The following L3MBTL4 variants were observed in gnomAD, a reference collection of about 807,000 sequenced individuals.
L3MBTL4 encodes the protein L3MBTL histone methyl-lysine binding protein 4, also known as lethal(3)malignant brain tumor-like protein 4.
L3MBTL4 carries 70 observed loss-of-function variants against 84.5 expected under a neutral mutation model. The observed-to-expected ratio is 0.83, with a 90% CI of 0.68 to 1.01. L3MBTL4 has a LOEUF of 1.01. L3MBTL4 is among the 50% of genes least tolerant of loss of function. The pLI, the probability that L3MBTL4 is intolerant of heterozygous loss-of-function variation, is 0.00. For missense variants in L3MBTL4, 715 were observed against 754.8 expected (o/e 0.95, Z 0.62); for synonymous variants, 274 against 259.8 (o/e 1.05, Z -0.52).
chr18:6,400,089 A>T (rs1330435555), intron 1 of L3MBTL4, among the ~76,000 whole-genome samples: 1 of 152,240 alleles, frequency 6.6e-6, no homozygotes, highest in East Asian at 1.9e-4. Flanking sequence ...TACATCTAAT[A>T]TAGTGCTATA....
chr18:6,369,573 T>C (rs1341648777), intron 1 of L3MBTL4, among the ~76,000 whole-genome samples: 4 of 152,100 alleles, frequency 2.6e-5, no homozygotes, highest in Non-Finnish European at 4.4e-5. Flanking sequence ...AGAGCTCAGA[T>C]ACACGGAAGG....
chr18:6,221,011 T>G (rs1000316793), intron 10 of L3MBTL4, among the ~76,000 whole-genome samples: 1 of 152,138 alleles, frequency 6.6e-6, no homozygotes, highest in Non-Finnish European at 1.5e-5. Context: ...ACAATGCAAA[T>G]GTAATACTCC....
At chr18:6,099,943 C>T (rs1488807709) in intron 14 of L3MBTL4, among the ~76,000 whole-genome samples, 1 of 152,052 alleles carries the variant, frequency 6.6e-6, no homozygotes, top group East Asian at 1.9e-4. Flanking sequence ...TGGGTTAACA[C>T]AGCTTGTGAA....
chr18:6,029,168 C>A (rs1022386291), intron 16 of L3MBTL4, among the ~76,000 whole-genome samples: 4 of 152,108 alleles, frequency 2.6e-5, no homozygotes, highest in African/African-American at 9.7e-5. Context: ...AATAAAAGAA[C>A]AGCCAACAGA....
intron 1 of L3MBTL4, among the ~76,000 whole-genome samples, chr18:6,323,099 A>G (rs1018199874): frequency 1.3e-5 from 2 of 152,092 alleles, no homozygotes; most frequent in Non-Finnish European, 2.9e-5. Context: ...TTCTGCCATG[A>G]CTGTAAGTTT....
intron 4 of L3MBTL4, among the ~76,000 whole-genome samples, chr18:6,285,075 C>T (rs1055101252): frequency 3.3e-5 from 5 of 152,210 alleles, no homozygotes; most frequent in African/African-American, 1.2e-4. Flanking sequence ...ACGGCTTCTG[C>T]GGGGCAGCCT....
At chr18:6,288,212 T>A (rs2049687346) in intron 4 of L3MBTL4, among the ~76,000 whole-genome samples, 2 of 152,224 alleles carry the variant, frequency 1.3e-5, no homozygotes, top group South Asian at 4.1e-4. Context: ...TGTATATGTG[T>A]TTAGAATGTG....
At chr18:6,086,939 T>C (rs1205110758) in intron 15 of L3MBTL4, among the ~76,000 whole-genome samples, 3 of 152,162 alleles carry the variant, frequency 2.0e-5, no homozygotes, top group Non-Finnish European at 4.4e-5. Flanking sequence ...TGAATATCGA[T>C]GTCATGAGCG....
intron 16 of L3MBTL4, among the ~76,000 whole-genome samples, chr18:5,995,145 T>C (rs1332116947): frequency 1.3e-5 from 2 of 152,256 alleles, no homozygotes; most frequent in Non-Finnish European, 2.9e-5. Flanking sequence ...GTTTGATGCA[T>C]GGGTCTGACA....
intron 13 of L3MBTL4, among the ~76,000 whole-genome samples, chr18:6,157,817 T>C (rs2043163194): frequency 6.6e-6 from 1 of 152,176 alleles, no homozygotes; most frequent in South Asian, 2.1e-4. Context: ...AGCATTATAA[T>C]TACTTCCAAA....
chr18:6,071,787 AAG>A lies in L3MBTL4; in HGVS notation c.1444+9092_1444+9093del, dbSNP rs1468525330. 5.2e-3 allele frequency among the ~76,000 whole-genome samples: 748 copies of A among 143,292 alleles called. 7 individuals are homozygous for A. Among genetic ancestry groups the A allele is most frequent in the African/African-American group, 0.019 (709 of 37,006 alleles). The allele number at this position is 143,292 out of a possible 152,430, so 94.0% of individuals were successfully genotyped here. A position where few individuals can be genotyped will look rare whatever the true frequency, so the allele number is the denominator to read the frequency against. On this transcript the variant is annotated intron_variant, in intron 16 of 18. Transcript: ENST00000317931. ...AAAGAAAGAAAGAAAGAAAGAAAGAAAGAAAGAAAGAAAGAAAAAGAAAGAAA... is the reference window on the plus strand; with the variant it reads ...AAAGAAAGAAAGAAAGAAAGAAAGAAAAAGAAAGAAAGAAAAAGAAAGAAA...
chr18:6,183,415 C>T (rs2044572173), intron 12 of L3MBTL4, among the ~76,000 whole-genome samples: 3 of 152,238 alleles, frequency 2.0e-5, no homozygotes, highest in African/African-American at 7.2e-5. Flanking sequence ...GCCTTCACTG[C>T]TGATGTAAAG....
chr18:6,016,445 T>C (rs1312864252), intron 16 of L3MBTL4, among the ~76,000 whole-genome samples: 2 of 152,188 alleles, frequency 1.3e-5, no homozygotes, highest in Admixed American at 6.5e-5. Flanking sequence ...TATCCTTTGA[T>C]TGTTCCACAG....
intron 14 of L3MBTL4, among the ~76,000 whole-genome samples, chr18:6,095,850 C>T (rs771604029): frequency 4.6e-5 from 7 of 152,056 alleles, no homozygotes; most frequent in East Asian, 1.9e-4. Flanking sequence ...AGAGCAAGAG[C>T]GATCTGGTTA....
chr18:6,286,120 A>G (rs944577834), intron 4 of L3MBTL4, among the ~76,000 whole-genome samples: 15 of 150,222 alleles, frequency 1.0e-4, no homozygotes, highest in African/African-American at 3.7e-4. Context: ...GTGAGCCACC[A>G]TGCCCGGCCT....
Position 6,093,449 on chromosome 18 carries a change from C to T in L3MBTL4, c.1279G>A (p.Ala427Thr), listed in dbSNP as rs781288044. ...TGTGAAGAGTCTGATTCCAAATTTG[C>T]CTGTGTTTGTTCTCTCAAACGATCG... ...LHDRLREQTQ[A>T]NLESDSSHSK... The change falls in exon 15 of 19, where the codon GCA becomes ACA. Residue 427 changes from alanine (A) to threonine (T), a missense_variant. Ala to Thr is a moderately conservative substitution (Grantham distance 58). Transcript: ENST00000317931. 4 of 1,613,848 alleles carry T rather than the reference C, an allele frequency of 2.5e-6. No homozygotes were observed. In the East Asian group the frequency reaches 6.7e-5, roughly 27 times the overall value.
chr18:6,216,282 C>A (rs1421187667), intron 10 of L3MBTL4, among the ~76,000 whole-genome samples: 1 of 152,162 alleles, frequency 6.6e-6, no homozygotes, highest in Admixed American at 6.5e-5. Flanking sequence ...AAGCTTTAGT[C>A]TCATTATTAA....
chr18:6,155,002 T>C (rs939342520), intron 13 of L3MBTL4, among the ~76,000 whole-genome samples: 5 of 152,210 alleles, frequency 3.3e-5, no homozygotes, highest in African/African-American at 7.2e-5. Context: ...CATTAAAGTA[T>C]AAAAACTTCC....
intron 14 of L3MBTL4, among the ~76,000 whole-genome samples, chr18:6,129,079 T>C (rs2059792301): frequency 6.6e-6 from 1 of 151,958 alleles, no homozygotes; most frequent in Non-Finnish European, 1.5e-5. Context: ...AAGAGATACA[T>C]GCCTAAGAGA....
Sources: allele counts gnomAD v4.1 joint callset (sites outside exome capture counted in the v4.1 genomes callset), GRCh38; gene constraint gnomAD v4.1.1; transcripts MANE v1.5; gene names NCBI Gene and HGNC (gene_info 2026-07-23, HGNC 2026-07-21).